MTHFD1L: variants seen among roughly 807,000 people sequenced by gnomAD.
The protein encoded by MTHFD1L is methylenetetrahydrofolate dehydrogenase (NADP+ dependent) 1 like.
A neutral mutation model predicts 119.5 loss-of-function variants in MTHFD1L; 81 were observed. That is an observed-to-expected ratio of 0.68 (90% CI 0.57 to 0.82). MTHFD1L has a LOEUF of 0.82. MTHFD1L is among the 40% of genes least tolerant of loss of function. MTHFD1L has a pLI of 0.00. For missense variants in MTHFD1L, 1,125 were observed against 1,253.4 expected (o/e 0.90, Z 1.55); for synonymous variants, 430 against 475.2 (o/e 0.90, Z 1.24).
chr6:150,955,897 C>T, intron 16 of MTHFD1L, 98 bp from the exon 17 acceptor site: 1 of 1,011,140 alleles, frequency 9.9e-7, no homozygotes, highest in South Asian at 1.4e-5. Context: ...TTTTCTCTTT[C>T]ACCCTCTGCA....
At chr6:151,086,527 TTAAA>T (rs1223119854) in intron 26 of MTHFD1L, among the ~76,000 whole-genome samples, 4 of 152,156 alleles carry the variant, frequency 2.6e-5, no homozygotes, top group Non-Finnish European at 5.9e-5. Flanking sequence ...ATCTGTTTTT[TTAAA>T]TATTAATTAT....
At chr6:151,046,858 G>A (rs1214989680) in intron 26 of MTHFD1L, among the ~76,000 whole-genome samples, 1 of 152,086 alleles carries the variant, frequency 6.6e-6, no homozygotes, top group Non-Finnish European at 1.5e-5. Context: ...AGGGTATAGT[G>A]GGAAGCCTGA....
intron 26 of MTHFD1L, among the ~76,000 whole-genome samples, chr6:151,046,571 T>C (rs942355810): frequency 4.7e-5 from 7 of 149,338 alleles, no homozygotes; most frequent in Non-Finnish European, 8.9e-5. Context: ...CCCCCCATTT[T>C]TCGTATGGAT....
intron 1 of MTHFD1L, among the ~76,000 whole-genome samples, chr6:150,873,670 G>C (rs1258659502): frequency 3.3e-5 from 5 of 151,846 alleles, no homozygotes; most frequent in African/African-American, 1.2e-4. Context: ...TCTAGGGCTG[G>C]AACTGTTATT....
At chr6:151,079,797 A>G (rs1792949185) in intron 26 of MTHFD1L, among the ~76,000 whole-genome samples, 1 of 151,388 alleles carries the variant, frequency 6.6e-6, no homozygotes, top group African/African-American at 2.4e-5. Context: ...CCATGGGAAC[A>G]GTCATGTTGC....
At chr6:151,096,421 G>A (rs1218255636) in intron 27 of MTHFD1L, among the ~76,000 whole-genome samples, 1 of 152,098 alleles carries the variant, frequency 6.6e-6, no homozygotes, top group East Asian at 1.9e-4. Flanking sequence ...CAGATCCAGT[G>A]TCCTAAGATA....
intron 20 of MTHFD1L, among the ~76,000 whole-genome samples, chr6:150,987,954 G>A (rs1358041898): frequency 6.6e-6 from 1 of 152,174 alleles, no homozygotes; most frequent in Non-Finnish European, 1.5e-5. Context: ...GAGGTTTAGG[G>A]CTGTCTAACC....
At chr6:151,024,956 T>C (rs1784428207) in intron 24 of MTHFD1L, among the ~76,000 whole-genome samples, 1 of 152,194 alleles carries the variant, frequency 6.6e-6, no homozygotes, top group African/African-American at 2.4e-5. Flanking sequence ...CACTTTGCCC[T>C]CTTTTGGGTG....
chr6:150,946,084 A>G (rs1793895656), intron 15 of MTHFD1L, among the ~76,000 whole-genome samples: 1 of 152,198 alleles, frequency 6.6e-6, no homozygotes, highest in Admixed American at 6.5e-5. Context: ...GAAATTTGTT[A>G]AATTTCTAGG....
At chr6:150,883,036 G>GT in intron 5 of MTHFD1L, 150 bp downstream of exon 5, 1 of 830,990 alleles carries the variant, frequency 1.2e-6, no homozygotes, top group Non-Finnish European at 1.7e-6. Flanking sequence ...GAGTCTATAG[G>GT]ATTTTTTTTT....
chr6:150,925,442 A>G (rs1411935946), intron 10 of MTHFD1L, among the ~76,000 whole-genome samples: 1 of 152,188 alleles, frequency 6.6e-6, no homozygotes, highest in Non-Finnish European at 1.5e-5. Flanking sequence ...AGTGGTGGCC[A>G]GTAAAATAGA....
intron 22 of MTHFD1L, among the ~76,000 whole-genome samples, chr6:151,014,180 CTGGACGACAGAG>C (rs1782681514): frequency 6.6e-6 from 1 of 152,144 alleles, no homozygotes; most frequent in Admixed American, 6.5e-5. Flanking sequence ...GTACTCCAGC[CTGGACGACAGAG>C]TGAGACTCTG....
intron 14 of MTHFD1L, among the ~76,000 whole-genome samples, chr6:150,945,141 C>G (rs1012752331): frequency 5.3e-5 from 8 of 152,194 alleles, no homozygotes; most frequent in Non-Finnish European, 1.0e-4. Context: ...CAACAAGGGT[C>G]CTCACTTTCT....
chr6:151,025,101 G>C (rs570820891), intron 24 of MTHFD1L, among the ~76,000 whole-genome samples: 13 of 152,184 alleles, frequency 8.5e-5, no homozygotes, highest in Middle Eastern at 3.2e-3. Flanking sequence ...AGCTTTTCTA[G>C]CGGCGAGCCT....
chr6:151,094,160 G>A (rs546241889), intron 27 of MTHFD1L, among the ~76,000 whole-genome samples: 2 of 152,284 alleles, frequency 1.3e-5, no homozygotes, highest in East Asian at 1.9e-4. Context: ...TTCCCCGCAA[G>A]CACCCCGCCT....
intron 7 of MTHFD1L, among the ~76,000 whole-genome samples, chr6:150,889,551 G>C (rs1464681421): frequency 2.0e-5 from 3 of 152,164 alleles, no homozygotes. Context: ...CCAATAATTA[G>C]TGTCTTATAA....
chr6:150,926,489 C>A lies in MTHFD1L; in HGVS notation c.1256+194C>A, dbSNP rs117311076. On this transcript the variant is annotated intron_variant, in intron 11 of 27. Transcript: ENST00000367321. The surrounding 1 kb of genome is among the most constrained non-coding windows in gnomAD (Gnocchi z 4.3). The stretch of plus-strand genomic sequence containing the variant: ...GCAGAGCAAACTAGTCGACTCTACA[C>A]AAGATAAAGTCAAACAAGTTGCAGT... Among the ~76,000 whole-genome samples the A allele has an allele frequency of 7.5e-3, 1,135 of 152,304 alleles. 12 individuals carry two copies. Among genetic ancestry groups the A allele is most frequent in the African/African-American group, 0.012 (513 of 41,562 alleles).
rs1441463543 is a variant in MTHFD1L, at chr6:150,885,740, A to G, written c.643+6A>G. ...TGAACTTCTTGAAAAATCAGGTAGG[A>G]TGCTCCTTGAGAAATGCCGCTGATT... On this transcript the variant is annotated splice_donor_region_variant and intron_variant, in intron 6 of 27. Coordinates refer to ENST00000367321, the MANE Select transcript of MTHFD1L (RefSeq NM_015440.5). 5 of 1,599,324 alleles carry G rather than the reference A, an allele frequency of 3.1e-6. No homozygotes were observed. The highest frequency in any genetic ancestry group is 2.2e-5 in the East Asian group (1 of 44,798).
intron 26 of MTHFD1L, among the ~76,000 whole-genome samples, chr6:151,037,683 C>CTA (rs1247820496): frequency 6.6e-6 from 1 of 152,116 alleles, no homozygotes; most frequent in Non-Finnish European, 1.5e-5. Flanking sequence ...TTTGTGTTAT[C>CTA]TATGGGGGTA....
Sources: allele counts gnomAD v4.1 joint callset (sites outside exome capture counted in the v4.1 genomes callset), GRCh38; gene constraint gnomAD v4.1.1; non-coding constraint Gnocchi (gnomAD v3.1); transcripts MANE v1.5; gene names NCBI Gene and HGNC (gene_info 2026-07-23, HGNC 2026-07-21).